The following ITFG2 variants were observed in gnomAD, a reference collection of about 807,000 sequenced individuals.
ITFG2 encodes KICSTOR complex protein ITFG2.
A neutral mutation model predicts 54.4 loss-of-function variants in ITFG2; 36 were observed. The observed-to-expected ratio is 0.66, with a 90% CI of 0.51 to 0.87. ITFG2 has a LOEUF of 0.87. ITFG2 is among the 40% of genes least tolerant of loss of function. The pLI, the probability that ITFG2 is intolerant of heterozygous loss-of-function variation, is 0.00. For missense variants in ITFG2, 524 were observed against 576.7 expected (o/e 0.91, Z 0.94); for synonymous variants, 211 against 225.4 (o/e 0.94, Z 0.57).
chr12:2,831,857 G>T (rs185856796), upstream of ITFG2, among the ~76,000 whole-genome samples: 3 of 152,162 alleles, frequency 2.0e-5, no homozygotes, highest in African/African-American at 7.2e-5. Context: ...TCAGCCTCCT[G>T]AGCAGCTGGG....
chr12:2,859,080 A>G (rs1419618839), intron 3 of ITFG2: 1 of 1,607,022 alleles, frequency 6.2e-7, no homozygotes, highest in Non-Finnish European at 8.5e-7. Context: ...GGTTCTGGGG[A>G]GGACAGATTT....
chr12:2,827,373 C>A, downstream of ITFG2: 1 of 1,545,630 alleles, frequency 6.5e-7, no homozygotes. This position sits in a 1 kb window ranked among gnomAD's most constrained non-coding sequence, Gnocchi z 4.0. Flanking sequence ...CTTTTGTTCC[C>A]CCTCCCACTT....
chr12:2,828,250 G>A (rs553193747), downstream of ITFG2: 59 of 1,285,510 alleles, frequency 4.6e-5, no homozygotes, highest in Middle Eastern at 3.7e-4. Context: ...TGCAACTGTC[G>A]TCACTATCTA....
At chr12:2,839,604 T>G (rs2098036248) in intron 1 of ITFG2, among the ~76,000 whole-genome samples, 1 of 152,192 alleles carries the variant, frequency 6.6e-6, no homozygotes, top group Admixed American at 6.5e-5. Flanking sequence ...GCGCCTACTA[T>G]GTACTGGACG....
At chr12:2,841,125 T>A (rs1311004748) in intron 2 of ITFG2, 2 of 152,670 alleles carry the variant, frequency 1.3e-5, no homozygotes, top group Non-Finnish European at 2.9e-5. Flanking sequence ...TCACATCTGC[T>A]AACAACAGAC....
chr12:2,855,850 G>A (rs1241299071), intron 2 of ITFG2, among the ~76,000 whole-genome samples: 1 of 152,114 alleles, frequency 6.6e-6, no homozygotes, highest in Non-Finnish European at 1.5e-5. Flanking sequence ...GCCAAGGGGG[G>A]CAGCCCACCT....
intron 2 of ITFG2, among the ~76,000 whole-genome samples, chr12:2,848,877 GCACACACACACACACACACACA>G (rs3056877): frequency 7.1e-6 from 1 of 140,272 alleles, no homozygotes; most frequent in Non-Finnish European, 1.5e-5. Context: ...ACACACACAC[GCACACACACACACACACACACA>G]CACACACACA....
downstream of ITFG2, among the ~76,000 whole-genome samples, chr12:2,831,160 T>G (rs1258825846): frequency 6.6e-6 from 1 of 152,046 alleles, no homozygotes; most frequent in East Asian, 1.9e-4. Flanking sequence ...ATTAGTATGC[T>G]TGGGGGAAGT....
At chr12:2,829,478 G>A (rs1032141992), downstream of ITFG2, among the ~76,000 whole-genome samples, 5 of 152,162 alleles carry the variant, frequency 3.3e-5, no homozygotes, top group East Asian at 5.8e-4. Context: ...GTCTATAAAA[G>A]GATGTGAATG....
At position 2,858,591 on chromosome 12, in the gene ITFG2, G is replaced by A. The variant is rs371710572; in HGVS notation, n.620+260G>A. The stretch of plus-strand genomic sequence containing the variant: ...GGCTTGGGGTGCACTGAGCCTTGGA[G>A]TGCCCGGGATGGTGGACAGCTTGAG... On this transcript the variant is annotated intron_variant and non_coding_transcript_variant, in intron 3 of 3. Coordinates refer to the ITFG2 transcript ENST00000537710. 40 of 1,549,480 alleles carry A rather than the reference G, an allele frequency of 2.6e-5. No homozygotes were observed. The African/African-American group carries it at 4.7e-4, about 18-fold the overall frequency.
At chr12:2,855,510 A>G in intron 2 of ITFG2, 1 of 1,277,014 alleles carries the variant, frequency 7.8e-7, no homozygotes, top group Non-Finnish European at 1.0e-6. Context: ...AAGGTGGGTG[A>G]GGCACTCCGC....
intron 8 of ITFG2, 40 bp downstream of exon 8, chr12:2,821,636 G>A (rs2097945035): frequency 3.1e-6 from 5 of 1,613,854 alleles, no homozygotes; most frequent in Non-Finnish European, 4.2e-6. Flanking sequence ...CTGTATGCCT[G>A]TAGGGTCTGC....
chr12:2,816,732 C>A (rs1239784755), intron 1 of ITFG2, among the ~76,000 whole-genome samples: 1 of 151,358 alleles, frequency 6.6e-6, no homozygotes. Flanking sequence ...ACCTCTACCT[C>A]CCAGGCTCAA....
chr12:2,827,398 C>T, downstream of ITFG2: 1 of 1,522,788 alleles, frequency 6.6e-7, no homozygotes, highest in Non-Finnish European at 8.8e-7. The surrounding 1 kb of genome is among the most constrained non-coding windows in gnomAD (Gnocchi z 4.0). Flanking sequence ...CAGCTTCCAC[C>T]TGCCTTTTGC....
intron 2 of ITFG2, among the ~76,000 whole-genome samples, chr12:2,844,084 A>G (rs1193522486): frequency 6.9e-6 from 1 of 145,242 alleles, no homozygotes; most frequent in Non-Finnish European, 1.5e-5. Context: ...GCGAAACCCC[A>G]TCTCTACTAA....
At chr12:2,842,591 G>A (rs1264571355) in intron 2 of ITFG2, among the ~76,000 whole-genome samples, 1 of 152,068 alleles carries the variant, frequency 6.6e-6, no homozygotes. Context: ...ATTCAGCCAG[G>A]CATAGTGACA....
chr12:2,830,792 G>T, intron 2 of ITFG2: 5 of 1,613,782 alleles, frequency 3.1e-6, no homozygotes, highest in Non-Finnish European at 4.2e-6. Flanking sequence ...CCTGCATCCG[G>T]GGAGGCTCCC....
chr12:2,817,856 G>A, intron 2 of ITFG2, 53 bp from the exon 3 acceptor site: 1 of 1,555,020 alleles, frequency 6.4e-7, no homozygotes, highest in Non-Finnish European at 8.7e-7. Flanking sequence ...ACAGAGATCA[G>A]GGAGTACTGG....
intron 2 of ITFG2, among the ~76,000 whole-genome samples, chr12:2,856,606 G>A (rs981631470): frequency 1.2e-4 from 19 of 152,132 alleles, no homozygotes; most frequent in African/African-American, 3.1e-4. Flanking sequence ...CAGGTGAACC[G>A]TTCCCCTCGA....
Sources: gnomAD v4.1 joint callset for allele counts (sites outside exome capture counted in the v4.1 genomes callset) on GRCh38, gnomAD v4.1.1 for gene constraint, Gnocchi (gnomAD v3.1) non-coding constraint, MANE v1.5 for transcripts, NCBI Gene and HGNC (gene_info 2026-07-23, HGNC 2026-07-21) for gene names.